The following LPP variants were observed in gnomAD, a reference collection of about 807,000 sequenced individuals.
LPP encodes the protein LIM domain containing preferred translocation partner in lipoma.
Under a neutral mutation model 60.4 loss-of-function variants are expected in LPP, and 38 were observed. The ratio of observed to expected loss-of-function variants is 0.63; its 90% CI spans 0.49 to 0.83. LPP has a LOEUF of 0.83. Ranked by LOEUF, LPP falls within the 40% of genes least tolerant of loss-of-function variation. The pLI, the probability that LPP is intolerant of heterozygous loss-of-function variation, is 0.00. For synonymous variants in LPP, 328 were observed against 290.8 expected (o/e 1.13, Z -1.30); for missense variants, 902 against 783.6 (o/e 1.15, Z -1.80).
intron 6 of LPP, among the ~76,000 whole-genome samples, chr3:188,575,103 C>A (rs1239771388): frequency 1.3e-5 from 2 of 152,092 alleles, no homozygotes; most frequent in Admixed American, 1.3e-4. Context: ...TCAATTAAGA[C>A]TTTCCAAATT....
intron 9 of LPP, among the ~76,000 whole-genome samples, chr3:188,811,782 A>G (rs1251444054): frequency 6.6e-6 from 1 of 152,168 alleles, no homozygotes; most frequent in Non-Finnish European, 1.5e-5. Flanking sequence ...TCTCAGTTAC[A>G]CTGAAACGTT....
At chr3:188,535,579 C>A (rs1481599844) in intron 6 of LPP, among the ~76,000 whole-genome samples, 2 of 151,936 alleles carry the variant, frequency 1.3e-5, no homozygotes, top group Admixed American at 6.6e-5. Context: ...AAATAAAGAA[C>A]ATGTATTTGC....
intron 9 of LPP, among the ~76,000 whole-genome samples, chr3:188,823,520 T>C (rs1754565042): frequency 6.6e-6 from 1 of 152,186 alleles, no homozygotes. Context: ...TTGTAAATGA[T>C]AATAAAAAAA....
chr3:188,423,516 G>A (rs564239148), intron 4 of LPP, among the ~76,000 whole-genome samples: 76 of 152,242 alleles, frequency 5.0e-4, no homozygotes, highest in East Asian at 1.7e-3. Flanking sequence ...TTGAGGAATC[G>A]CCACACTCTC....
At chr3:188,172,918 C>A (rs1007236955) in intron 1 of LPP, among the ~76,000 whole-genome samples, 5 of 152,120 alleles carry the variant, frequency 3.3e-5, no homozygotes, top group South Asian at 2.1e-4. Flanking sequence ...AGGCTGGGGT[C>A]CCCCACTTGT....
chr3:188,289,711 T>C (rs1319885044), intron 2 of LPP, among the ~76,000 whole-genome samples: 2 of 152,160 alleles, frequency 1.3e-5, no homozygotes, highest in African/African-American at 4.8e-5. Flanking sequence ...GTGCTAATGA[T>C]GATTAGAGAA....
chr3:188,615,965 C>G (rs1010781657), intron 7 of LPP, among the ~76,000 whole-genome samples: 2 of 152,020 alleles, frequency 1.3e-5, no homozygotes, highest in Non-Finnish European at 1.5e-5. Flanking sequence ...TGTTTAAGTT[C>G]CTTGTATATT....
chr3:188,196,132 T>C (rs1007400059), intron 1 of LPP, among the ~76,000 whole-genome samples: 1 of 152,168 alleles, frequency 6.6e-6, no homozygotes, highest in Non-Finnish European at 1.5e-5. Flanking sequence ...GTTATTCCTT[T>C]ACCTCCCTAG....
chr3:188,803,493 G>A (rs1024487309), intron 9 of LPP, among the ~76,000 whole-genome samples: 1 of 152,080 alleles, frequency 6.6e-6, no homozygotes, highest in African/African-American at 2.4e-5. Context: ...TTTATATAAG[G>A]TGATCAAATT....
chr3:188,525,957 G>A (rs1820464591), intron 6 of LPP, among the ~76,000 whole-genome samples: 1 of 152,202 alleles, frequency 6.6e-6, no homozygotes, highest in Admixed American at 6.5e-5. Context: ...TCCAGAAGCT[G>A]ATCTTCCACT....
At chr3:188,339,241 C>T (rs1762433289) in intron 2 of LPP, among the ~76,000 whole-genome samples, 1 of 152,092 alleles carries the variant, frequency 6.6e-6, no homozygotes, top group African/African-American at 2.4e-5. Context: ...TGTCAGTTGT[C>T]CCAGATGTCT....
At chr3:188,218,923 C>A (rs1022459961) in intron 1 of LPP, among the ~76,000 whole-genome samples, 3 of 152,026 alleles carry the variant, frequency 2.0e-5, no homozygotes, top group African/African-American at 7.2e-5. Context: ...AACAATTTGG[C>A]ACAAAAAGAT....
intron 9 of LPP, among the ~76,000 whole-genome samples, chr3:188,848,406 C>A (rs1761988619): frequency 6.6e-6 from 1 of 152,218 alleles, no homozygotes; most frequent in Admixed American, 6.5e-5. Flanking sequence ...ATGTCGCACT[C>A]TTGCTGATGC....
intron 2 of LPP, among the ~76,000 whole-genome samples, chr3:188,254,683 G>T (rs1027614082): frequency 6.6e-6 from 1 of 152,094 alleles, no homozygotes; most frequent in Non-Finnish European, 1.5e-5. Flanking sequence ...TCCTCCTTGG[G>T]ACACAAACAG....
At chr3:188,221,487 G>A (rs973948200) in intron 1 of LPP, among the ~76,000 whole-genome samples, 3 of 152,112 alleles carry the variant, frequency 2.0e-5, no homozygotes, top group Admixed American at 1.3e-4. Flanking sequence ...ACCTCTCTTT[G>A]GTGCGCCCCT....
At chr3:188,663,936 G>T (rs191596298) in intron 7 of LPP, among the ~76,000 whole-genome samples, 5 of 152,218 alleles carry the variant, frequency 3.3e-5, no homozygotes, top group Non-Finnish European at 7.3e-5. Flanking sequence ...AGCTCCGGCT[G>T]TAATGCTGGC....
chr3:188,401,275 C>T (rs975120928), intron 3 of LPP, among the ~76,000 whole-genome samples: 2 of 152,182 alleles, frequency 1.3e-5, no homozygotes, highest in Non-Finnish European at 2.9e-5. Context: ...AAAGGCAGAA[C>T]TCATGTTATC....
intron 9 of LPP, among the ~76,000 whole-genome samples, chr3:188,833,527 T>A (rs1443474197): frequency 6.6e-6 from 1 of 152,202 alleles, no homozygotes; most frequent in Non-Finnish European, 1.5e-5. Flanking sequence ...TTTAAGAGAA[T>A]CTGAGTAAAG....
intron 1 of LPP, among the ~76,000 whole-genome samples, chr3:188,197,977 C>T (rs948779035): frequency 3.3e-5 from 5 of 152,192 alleles, no homozygotes; most frequent in African/African-American, 1.2e-4. Context: ...TGACCTTGCA[C>T]AAGTTACATA....
Sources: gnomAD v4.1 joint callset for allele counts (sites outside exome capture counted in the v4.1 genomes callset) on GRCh38, gnomAD v4.1.1 for gene constraint, MANE v1.5 for transcripts, NCBI Gene and HGNC (gene_info 2026-07-23, HGNC 2026-07-21) for gene names.